The following KAZN variants were observed in gnomAD, a reference collection of about 807,000 sequenced individuals.
KAZN encodes kazrin.
KAZN carries 40 observed loss-of-function variants against 87.4 expected under a neutral mutation model. That is an observed-to-expected ratio of 0.46 (90% CI 0.36 to 0.60). The LOEUF is 0.60. Among genes scored for constraint, KAZN ranks in the 20% least tolerant of loss-of-function variants. KAZN has a pLI of 0.00. For missense variants in KAZN, 898 were observed against 1,073.9 expected, an observed-to-expected ratio of 0.84 and a Z score of 2.29; for synonymous variants, 466 against 458.3, an observed-to-expected ratio of 1.02 and a Z score of -0.22.
At chr1:14,854,601 T>A (rs1040381316) in intron 1 of KAZN, among the ~76,000 whole-genome samples, 4 of 152,030 alleles carry the variant, frequency 2.6e-5, no homozygotes, top group Admixed American at 2.0e-4. Flanking sequence ...GCTAATGCAT[T>A]TCCATGAGAA....
intron 2 of KAZN, among the ~76,000 whole-genome samples, chr1:14,511,594 G>A (rs1310793103): frequency 6.6e-6 from 1 of 152,126 alleles, no homozygotes; most frequent in Non-Finnish European, 1.5e-5. Flanking sequence ...GAATTATTTT[G>A]GCAAGAAATC....
At chr1:14,028,326 G>C (rs771195188) in intron 1 of KAZN, among the ~76,000 whole-genome samples, 1 of 152,148 alleles carries the variant, frequency 6.6e-6, no homozygotes, top group Non-Finnish European at 1.5e-5. Context: ...TTTTCAAATT[G>C]GGCGTGACAG....
rs77574853 is a variant in KAZN, at chr1:14,395,111, A to C, written c.250-203872A>C. ...GAGAGAGGGAGAGAATAAGGGGGAA[A>C]AGAAGGAAGGAGAGGAGAGAGAATG... On this transcript the variant is annotated intron_variant, in intron 2 of 16. Transcript: ENST00000636203. 5.0e-3 allele frequency among the ~76,000 whole-genome samples: 762 copies of C among 152,266 alleles called. 4 individuals are homozygous for C. The highest frequency in any genetic ancestry group is 0.018 in the African/African-American group (735 of 41,568).
intron 1 of KAZN, chr1:14,692,118 G>T: frequency 3.2e-6 from 1 of 308,962 alleles, no homozygotes; most frequent in Non-Finnish European, 6.3e-6. Context: ...CCCTGTACAA[G>T]AAAAGTTTCA....
At chr1:14,152,047 G>A (rs1258594112) in intron 1 of KAZN, among the ~76,000 whole-genome samples, 2 of 151,908 alleles carry the variant, frequency 1.3e-5, no homozygotes, top group Non-Finnish European at 2.9e-5. Context: ...AATTTTTGTG[G>A]GTACGTAGGA....
chr1:15,110,530 T>C (rs1641559297), intron 13 of KAZN, among the ~76,000 whole-genome samples: 1 of 128,794 alleles, frequency 7.8e-6, no homozygotes, highest in Non-Finnish European at 1.7e-5. Context: ...TGTATGTGTT[T>C]GTGTGTGTGC....
At chr1:14,506,908 G>A (rs989589510) in intron 2 of KAZN, among the ~76,000 whole-genome samples, 1 of 152,184 alleles carries the variant, frequency 6.6e-6, no homozygotes, top group Admixed American at 6.5e-5. Flanking sequence ...GAGGCTGTCT[G>A]TATTGGTTCC....
At chr1:13,902,957 CCATGGGTGAGT>C (rs1557710014) in intron 1 of KAZN, among the ~76,000 whole-genome samples, 2 of 152,132 alleles carry the variant, frequency 1.3e-5, no homozygotes, top group Non-Finnish European at 2.9e-5. Context: ...CATGATATGG[CCATGGGTGAGT>C]AAGGCTCAGC....
intron 1 of KAZN, among the ~76,000 whole-genome samples, chr1:14,119,914 T>G (rs1174177234): frequency 4.0e-5 from 2 of 50,254 alleles, no homozygotes; most frequent in Non-Finnish European, 6.9e-5. Context: ...AAGGGCTTTA[T>G]GTGTACGATC....
At chr1:14,413,593 G>GAAA (rs1169921344) in intron 2 of KAZN, among the ~76,000 whole-genome samples, 3 of 66,076 alleles carry the variant, frequency 4.5e-5, no homozygotes, top group Non-Finnish European at 8.3e-5. Context: ...CGTCTCAAAA[G>GAAA]AAAAAAAAAA....
chr1:14,348,031 G>A (rs1658239932), intron 2 of KAZN, among the ~76,000 whole-genome samples: 1 of 147,322 alleles, frequency 6.8e-6, no homozygotes, highest in Admixed American at 6.8e-5. Flanking sequence ...ACTACAGGTG[G>A]GTGTCACCAC....
At chr1:14,075,303 C>CA (rs1035384122) in intron 1 of KAZN, among the ~76,000 whole-genome samples, 2 of 152,176 alleles carry the variant, frequency 1.3e-5, no homozygotes, top group African/African-American at 4.8e-5. Context: ...AAAGCAACTG[C>CA]AGCGGAGGTG....
chr1:14,030,480 A>G (rs535808138), intron 1 of KAZN, among the ~76,000 whole-genome samples: 87 of 152,156 alleles, frequency 5.7e-4, no homozygotes, highest in African/African-American at 2.0e-3. Flanking sequence ...ACCTAATGCT[A>G]GATGACGAGT....
intron 2 of KAZN, among the ~76,000 whole-genome samples, chr1:14,514,605 A>ATTT (rs1671194775): frequency 1.9e-4 from 7 of 36,278 alleles, no homozygotes; most frequent in African/African-American, 9.4e-4. Flanking sequence ...TTATATATAT[A>ATTT]TATATATATA....
chr1:14,761,895 T>C (rs1644749720), intron 1 of KAZN, among the ~76,000 whole-genome samples: 1 of 151,744 alleles, frequency 6.6e-6, no homozygotes, highest in Admixed American at 6.6e-5. Flanking sequence ...AGAGTCTTTT[T>C]TTTTTTTTTT....
At chr1:14,582,815 A>AAGG (rs1675634592) in intron 2 of KAZN, among the ~76,000 whole-genome samples, 1 of 152,234 alleles carries the variant, frequency 6.6e-6, no homozygotes, top group Non-Finnish European at 1.5e-5. Flanking sequence ...TGAAGTTAAA[A>AAGG]GAATCAATGA....
In KAZN at chr1:15,112,465, C is replaced by A. The variant is rs763194562; in HGVS notation, c.2087C>A (p.Pro696His). 4.0e-5 allele frequency: 65 copies of A among 1,607,572 alleles called. No homozygotes were observed. Among genetic ancestry groups the A allele is most frequent in the Non-Finnish European group, 5.1e-5 (60 of 1,177,674 alleles). The part of the protein sequence containing the change: ...GIREAERFGT[P>H]PGRASSVTRA... Reference sequence around the variant, plus strand: ...CGGGAGGCTGAGCGTTTTGGAACGCCCCCTGGCAGGGCCTCCAGCGTCACG... The same window carrying A: ...CGGGAGGCTGAGCGTTTTGGAACGCACCCTGGCAGGGCCTCCAGCGTCACG... The change falls in exon 14 of 15, where the codon CCC (proline) becomes CAC (histidine). Residue 696 changes from proline to histidine, a missense_variant. Physicochemically the swap from Pro to His is moderately conservative, Grantham distance 77. Around this residue, in one of 3 missense-constraint regions of KAZN, gnomAD observed 127 missense variants for 121.5 expected, o/e 1.04. Coordinates refer to ENST00000376030, the MANE Select transcript of KAZN (RefSeq NM_201628.3).
chr1:14,870,442 G>A lies in KAZN; in HGVS notation c.227-90242G>A, dbSNP rs1289649850. Among the ~76,000 whole-genome samples, 33 of 152,226 alleles carry A rather than the reference G, an allele frequency of 2.2e-4. 1 individual carries two copies. Among genetic ancestry groups the A allele is most frequent in the African/African-American group, 4.8e-5 (2 of 41,532 alleles). On this transcript the variant is annotated intron_variant, in intron 1 of 14. Transcript: ENST00000376030. The stretch of plus-strand genomic sequence containing the variant: ...ATTGCAACCTCCACCTCCTGGGTAC[G>A]AGTGATTCTCCCACCTCAGCCTCCA...
At chr1:14,743,078 G>C (rs529911395) in intron 1 of KAZN, among the ~76,000 whole-genome samples, 2 of 152,312 alleles carry the variant, frequency 1.3e-5, no homozygotes, top group African/African-American at 4.8e-5. Flanking sequence ...CCAGAGTGGT[G>C]CGTCGCAGGC....
Sources: allele counts gnomAD v4.1 joint callset (sites outside exome capture counted in the v4.1 genomes callset), GRCh38; gene constraint gnomAD v4.1.1; regional missense constraint gnomAD v4.1.1; transcripts MANE v1.5; gene names NCBI Gene and HGNC (gene_info 2026-07-23, HGNC 2026-07-21).